SULF1: variants seen among roughly 807,000 people sequenced by gnomAD.
The protein encoded by SULF1 is extracellular sulfatase Sulf-1.
Under a neutral mutation model 110.5 loss-of-function variants are expected in SULF1, and 46 were observed. The observed-to-expected ratio is 0.42, with a 90% confidence interval of 0.33 to 0.53. The LOEUF (loss-of-function observed/expected upper bound fraction) is 0.53. SULF1 is among the 20% of genes least tolerant of loss of function. The pLI, the probability that SULF1 is intolerant of heterozygous loss-of-function variation, is 0.12. For synonymous variants in SULF1, 371 were observed against 387.1 expected (o/e 0.96, Z 0.49); for missense variants, 941 against 1,094.2 (o/e 0.86, Z 1.98).
chr8:69,506,799 C>T (rs1401426872), intron 3 of SULF1, among the ~76,000 whole-genome samples: 4 of 152,122 alleles, frequency 2.6e-5, no homozygotes, highest in African/African-American at 7.2e-5. Context: ...AGTTTAATTA[C>T]GATGAGGGTG....
chr8:69,630,970 G>GC (rs1006439945), intron 19 of SULF1, among the ~76,000 whole-genome samples: 78 of 150,044 alleles, frequency 5.2e-4, no homozygotes, highest in African/African-American at 1.6e-3. Flanking sequence ...CCTCCCCCCT[G>GC]CCCCCACCCT....
chr8:69,526,077 G>A (rs978370905), intron 3 of SULF1, among the ~76,000 whole-genome samples: 1 of 152,136 alleles, frequency 6.6e-6, no homozygotes. Context: ...AGGATCCTAA[G>A]CAGAATTGTA....
At chr8:69,543,031 C>A (rs969719503) in intron 3 of SULF1, among the ~76,000 whole-genome samples, 2 of 152,094 alleles carry the variant, frequency 1.3e-5, no homozygotes, top group Admixed American at 6.6e-5. Flanking sequence ...TACTATGACA[C>A]GCATGACAAA....
chr8:69,644,756 G>A (rs1178855331), intron 22 of SULF1, among the ~76,000 whole-genome samples: 43 of 105,756 alleles, frequency 4.1e-4, no homozygotes, highest in African/African-American at 1.5e-3. Flanking sequence ...GGGAGACGCC[G>A]TCTCAAAAAA....
Position 69,621,154 on chromosome 8 carries a change from C to A in SULF1, c.1497C>A (p.Asp499Glu). 1.9e-6 allele frequency: 3 copies of A among 1,614,136 alleles called. No individual in the cohort carries two copies. The highest frequency in any genetic ancestry group is 2.5e-6 in the Non-Finnish European group (3 of 1,180,012). Residue 499 changes from aspartate (D) to glutamate (E), a missense_variant, in exon 14 of 23, where the codon GAC becomes GAA. Around this residue, in one of 3 missense-constraint regions of SULF1, gnomAD observed 822 missense variants for 934.3 expected, o/e 0.88. Coordinates refer to ENST00000402687, the MANE Select transcript of SULF1 (RefSeq NM_001128205.2). The part of the protein sequence containing the change: ...TRNLYARGFH[D>E]KDKECSCRES... ...ACCTCTACGCTCGCGGCTTCCATGA[C>A]AAAGACAAAGAGTGCAGTTGTAGGG...
intron 22 of SULF1, among the ~76,000 whole-genome samples, chr8:69,649,989 T>G (rs1812207790): frequency 9.4e-6 from 1 of 105,826 alleles, no homozygotes; most frequent in African/African-American, 4.1e-5. Context: ...TTTTTTTTTT[T>G]TTTTTTTTTT....
intron 5 of SULF1, among the ~76,000 whole-genome samples, chr8:69,574,668 G>T (rs112854654): frequency 6.6e-6 from 1 of 152,278 alleles, no homozygotes; most frequent in Non-Finnish European, 1.5e-5. Context: ...AGATCAGCCC[G>T]GAATGCTGAG....
intron 8 of SULF1, among the ~76,000 whole-genome samples, chr8:69,599,261 G>T (rs75090994): frequency 0.054 from 8,206 of 152,244 alleles, 239 homozygotes; most frequent in Middle Eastern, 0.092. Context: ...TCACTGATGG[G>T]ATCCTCCTCA....
rs1383854692 is a variant in SULF1, at chr8:69,603,594, T to C, written c.1191-6T>C. 6.2e-7 allele frequency: 1 copy of C among 1,611,076 alleles called. No individual in the cohort carries two copies. Among genetic ancestry groups the C allele is most frequent in the Admixed American group, 1.7e-5 (1 of 60,020 alleles). Reference sequence around the variant, plus strand: ...CCAAAAGTAAATATTATCATTTTGCTTTCAGGTTTCGAACAAACAAGAAGG... The same window carrying C: ...CCAAAAGTAAATATTATCATTTTGCCTTCAGGTTTCGAACAAACAAGAAGG... On this transcript the variant is annotated splice_polypyrimidine_tract_variant and splice_region_variant and intron_variant, in intron 11 of 22. Transcript: ENST00000402687.
At chr8:69,606,481 A>C (rs1380809536) in intron 13 of SULF1, among the ~76,000 whole-genome samples, 1 of 152,192 alleles carries the variant, frequency 6.6e-6, no homozygotes, top group East Asian at 1.9e-4. Context: ...CAGGAGTTGC[A>C]AATGTTCAGT....
chr8:69,517,417 T>C lies in SULF1; in HGVS notation c.-134+15449T>C, dbSNP rs981227434. 1.2e-4 allele frequency among the ~76,000 whole-genome samples: 19 copies of C among 152,174 alleles called. 1 individual carries two copies. Among genetic ancestry groups the C allele is most frequent in the Admixed American group, 9.8e-4 (15 of 15,266 alleles). On this transcript the variant is annotated intron_variant, in intron 3 of 22. Transcript: ENST00000402687. Reference sequence around the variant, plus strand: ...CAGCTTTTGTAAGAAGAATAAAGAGTCCTTCTTTCCTTTTAAGCTAATTCT... The same window carrying C: ...CAGCTTTTGTAAGAAGAATAAAGAGCCCTTCTTTCCTTTTAAGCTAATTCT...
intron 6 of SULF1, among the ~76,000 whole-genome samples, chr8:69,582,204 C>T (rs1185046763): frequency 1.3e-5 from 2 of 152,164 alleles, no homozygotes; most frequent in African/African-American, 4.8e-5. Flanking sequence ...AAAATTAAAA[C>T]TAATTAAGCA....
At chr8:69,628,641 T>A (rs974387333) in intron 18 of SULF1, among the ~76,000 whole-genome samples, 2 of 152,192 alleles carry the variant, frequency 1.3e-5, no homozygotes, top group Non-Finnish European at 2.9e-5. Context: ...TAAATTTTTT[T>A]AAATAATAGC....
In SULF1 at chr8:69,576,164, C is replaced by G. The variant is rs770725313; in HGVS notation, c.367C>G (p.Pro123Ala). The change falls in exon 6 of 23, where the codon CCT becomes GCT. Residue 123 changes from proline to alanine, a missense_variant. Physicochemically the swap from Pro to Ala is conservative, Grantham distance 27. Around this residue, in one of 3 missense-constraint regions of SULF1, gnomAD observed 822 missense variants for 934.3 expected, o/e 0.88. Transcript: ENST00000402687. Reference sequence around the variant, plus strand: ...CCCCTCGTGGCAGGCCATGCATGAGCCTCGGACTTTTGCTGTATATCTTAA... The same window carrying G: ...CCCCTCGTGGCAGGCCATGCATGAGGCTCGGACTTTTGCTGTATATCTTAA... ...SSPSWQAMHE[P>A]RTFAVYLNNT... 3.1e-6 allele frequency: 5 copies of G among 1,614,136 alleles called. No individual in the cohort carries two copies. The South Asian group carries it at 5.5e-5, about 18-fold the overall frequency.
intron 3 of SULF1, among the ~76,000 whole-genome samples, chr8:69,549,831 C>A (rs1385618454): frequency 6.6e-6 from 1 of 151,998 alleles, no homozygotes; most frequent in Non-Finnish European, 1.5e-5. Context: ...ATAGAGGAGA[C>A]CCTCGAATTC....
At chr8:69,572,118 G>A (rs555491112) in intron 5 of SULF1, among the ~76,000 whole-genome samples, 3 of 152,292 alleles carry the variant, frequency 2.0e-5, no homozygotes, top group African/African-American at 7.2e-5. Context: ...TCTCCTCTAA[G>A]AGGCGAGAAG....
chr8:69,636,484 C>T (rs1438537341), intron 19 of SULF1, among the ~76,000 whole-genome samples: 1 of 151,882 alleles, frequency 6.6e-6, no homozygotes, highest in East Asian at 1.9e-4. Context: ...TTGCAGTGAG[C>T]CGAGATCGCT....
At chr8:69,639,000 A>G in intron 21 of SULF1, 142 bp downstream of exon 21, 1 of 867,802 alleles carries the variant, frequency 1.2e-6, no homozygotes, top group Non-Finnish European at 1.7e-6. Context: ...AATTCTAAAT[A>G]CAATTTGATC....
intron 22 of SULF1, among the ~76,000 whole-genome samples, chr8:69,646,907 T>C (rs1376945740): frequency 6.6e-6 from 1 of 151,328 alleles, no homozygotes; most frequent in East Asian, 1.9e-4. Context: ...ATTTGATTAG[T>C]GAGAGACAAA....
Sources: gnomAD v4.1 joint callset for allele counts (sites outside exome capture counted in the v4.1 genomes callset) on GRCh38, gnomAD v4.1.1 for gene constraint, gnomAD v4.1.1 regional missense constraint, MANE v1.5 for transcripts, NCBI Gene and HGNC (gene_info 2026-07-23, HGNC 2026-07-21) for gene names.